Variants in KCNQ3 observed in about 807,000 individuals in gnomAD.
The protein encoded by KCNQ3 is potassium voltage-gated channel subfamily KQT member 3.
Under a neutral mutation model 92.5 loss-of-function variants are expected in KCNQ3, and 30 were observed. The ratio of observed to expected loss-of-function variants is 0.32; its 90% CI spans 0.24 to 0.44. KCNQ3 has a LOEUF of 0.44. Among genes scored for constraint, KCNQ3 ranks in the 20% least tolerant of loss-of-function variants. The pLI is 1.00. For synonymous variants in KCNQ3, 450 were observed against 468.8 expected (o/e 0.96, Z 0.52); for missense variants, 913 against 1,140.3 (o/e 0.80, Z 2.87).
chr8:132,354,673 G>A (rs1870234), intron 1 of KCNQ3, among the ~76,000 whole-genome samples: 56,445 of 152,092 alleles, frequency 0.37, 12,238 homozygotes, highest in African/African-American at 0.6. Context: ...TGATGGGCAA[G>A]TTATTGCCTC....
At chr8:132,200,589 T>C (rs916871002) in intron 1 of KCNQ3, among the ~76,000 whole-genome samples, 5 of 152,228 alleles carry the variant, frequency 3.3e-5, no homozygotes, top group African/African-American at 7.2e-5. Context: ...TGTTAGATAA[T>C]GGAGCATTTA....
chr8:132,340,527 C>T (rs550091913), intron 1 of KCNQ3, among the ~76,000 whole-genome samples: 12 of 152,068 alleles, frequency 7.9e-5, no homozygotes, highest in African/African-American at 2.2e-4. Context: ...AACCAAACAC[C>T]GCATGTTCTC....
chr8:132,285,309 G>A (rs1248341350), intron 1 of KCNQ3, among the ~76,000 whole-genome samples: 1 of 152,194 alleles, frequency 6.6e-6, no homozygotes, highest in Non-Finnish European at 1.5e-5. Flanking sequence ...TGGTTAAGTG[G>A]TCATGACTAG....
intron 1 of KCNQ3, among the ~76,000 whole-genome samples, chr8:132,421,752 T>G (rs1298726513): frequency 1.3e-5 from 2 of 152,184 alleles, no homozygotes; most frequent in African/African-American, 4.8e-5. Flanking sequence ...TGCGAGACAC[T>G]GGCCTAGATG....
At chr8:132,460,480 TG>T in intron 1 of KCNQ3, among the ~76,000 whole-genome samples, 1 of 152,284 alleles carries the variant, frequency 6.6e-6, no homozygotes, top group Non-Finnish European at 1.5e-5. Flanking sequence ...TGCCATATTT[TG>T]CTTAACCGTT....
At chr8:132,415,333 G>T (rs1820766024) in intron 1 of KCNQ3, among the ~76,000 whole-genome samples, 1 of 152,204 alleles carries the variant, frequency 6.6e-6, no homozygotes, top group African/African-American at 2.4e-5. Flanking sequence ...CACCAGAGGA[G>T]TGTCACCACC....
intron 1 of KCNQ3, among the ~76,000 whole-genome samples, chr8:132,452,175 C>A (rs1032955729): frequency 6.6e-6 from 1 of 152,142 alleles, no homozygotes; most frequent in Non-Finnish European, 1.5e-5. Context: ...GCAACCATCA[C>A]CTCTATCCAC....
intron 1 of KCNQ3, among the ~76,000 whole-genome samples, chr8:132,422,770 C>T (rs556131073): frequency 5.9e-5 from 9 of 152,284 alleles, no homozygotes; most frequent in South Asian, 4.2e-4. Context: ...TGTCTGCCTC[C>T]GCAACTAGAG....
At chr8:132,427,080 A>C (rs1346388978) in intron 1 of KCNQ3, among the ~76,000 whole-genome samples, 2 of 152,202 alleles carry the variant, frequency 1.3e-5, no homozygotes. Flanking sequence ...GCAGAATCTA[A>C]ATGATTGTTG....
In KCNQ3 at chr8:132,123,344, T is replaced by G. The variant is rs902722310; in HGVS notation, c.*5918A>C. ...GAGTGCCTGCATGGCCATGGGATTG[T>G]TCTTCATTCCCTTTCTCAACTGCAC... is the stretch of plus-strand genomic sequence containing the variant. On this transcript the variant is annotated 3_prime_UTR_variant, in exon 15 of 15. Transcript: ENST00000388996. 2 of 152,340 alleles carry G rather than the reference T, an allele frequency of 1.3e-5. No individual in the cohort carries two copies. Among genetic ancestry groups the G allele is most frequent in the African/African-American group, 4.8e-5 (2 of 41,454 alleles). The allele number at this position is 152,340 out of a possible 1,614,324, so 9.4% of individuals were successfully genotyped here. A position where few individuals can be genotyped will look rare whatever the true frequency, so the allele number is the denominator to read the frequency against.
At chr8:132,348,783 G>T (rs150229156) in intron 1 of KCNQ3, among the ~76,000 whole-genome samples, 2 of 152,120 alleles carry the variant, frequency 1.3e-5, no homozygotes, top group Non-Finnish European at 2.9e-5. Context: ...CTAGTAAATC[G>T]TTTGCAATAC....
chr8:132,271,405 T>C (rs983142918), intron 1 of KCNQ3, among the ~76,000 whole-genome samples: 1 of 152,252 alleles, frequency 6.6e-6, no homozygotes, highest in African/African-American at 2.4e-5. Flanking sequence ...TTCTATGAAC[T>C]GCTTTGTCAT....
chr8:132,380,432 A>G (rs1719644941), intron 1 of KCNQ3, among the ~76,000 whole-genome samples: 1 of 152,184 alleles, frequency 6.6e-6, no homozygotes, highest in African/African-American at 2.4e-5. Context: ...GGATCAAATT[A>G]TTCATCAGAA....
At chr8:132,319,131 C>T (rs1180824178) in intron 1 of KCNQ3, among the ~76,000 whole-genome samples, 3 of 152,102 alleles carry the variant, frequency 2.0e-5, no homozygotes, top group Non-Finnish European at 4.4e-5. Context: ...GAAAGGAGGG[C>T]ATGTTAAGGG....
At chr8:132,274,139 C>A (rs1429845286) in intron 1 of KCNQ3, among the ~76,000 whole-genome samples, 1 of 152,098 alleles carries the variant, frequency 6.6e-6, no homozygotes, top group Non-Finnish European at 1.5e-5. Context: ...TTTCACGTTG[C>A]TGATAAAGAC....
chr8:132,180,115 T>C (rs1826705241), intron 4 of KCNQ3, 42 bp downstream of exon 4: 5 of 1,608,602 alleles, frequency 3.1e-6, no homozygotes, highest in African/African-American at 2.7e-5. Flanking sequence ...CATAGGTGGG[T>C]GGGAAGCCCA....
intron 1 of KCNQ3, among the ~76,000 whole-genome samples, chr8:132,193,177 G>A (rs1198676501): frequency 6.6e-6 from 1 of 152,172 alleles, no homozygotes; most frequent in African/African-American, 2.4e-5. Flanking sequence ...GCAGCCTTCT[G>A]TCTGCAGCAT....
intron 1 of KCNQ3, among the ~76,000 whole-genome samples, chr8:132,318,878 AC>A (rs1464249564): frequency 6.6e-6 from 1 of 152,196 alleles, no homozygotes; most frequent in African/African-American, 2.4e-5. Context: ...AGATCCCATG[AC>A]CTTGGAGAAG....
rs571372284 is a variant in KCNQ3, at chr8:132,310,484, A to G, written c.387-124303T>C. ...GAGGACCTGGGCAAGGGTAACCTAC[A>G]GGAGGAGAGGTGGGGTGGGCAGCAG... On this transcript the variant is annotated intron_variant, in intron 1 of 14. Coordinates refer to ENST00000388996, the MANE Select transcript of KCNQ3 (RefSeq NM_004519.4). Among the ~76,000 whole-genome samples the G allele has an allele frequency of 3.3e-5, 5 of 152,294 alleles. No individual in the cohort carries two copies. In the South Asian group the frequency reaches 1.0e-3, roughly 32 times the overall value.
Sources: gnomAD v4.1 joint callset for allele counts (sites outside exome capture counted in the v4.1 genomes callset) on GRCh38, gnomAD v4.1.1 for gene constraint, MANE v1.5 for transcripts, NCBI Gene and HGNC (gene_info 2026-07-23, HGNC 2026-07-21) for gene names.